Variants in NUP93 observed in about 807,000 individuals in gnomAD.
The protein encoded by NUP93 is nucleoporin 93, also known as nuclear pore complex protein Nup93.
A neutral mutation model predicts 107.8 loss-of-function variants in NUP93; 55 were observed. That is an observed-to-expected ratio of 0.51 (90% CI 0.41 to 0.64). The LOEUF (loss-of-function observed/expected upper bound fraction) is 0.64, where lower values mean the gene tolerates loss of function less well. NUP93 is among the 30% of genes least tolerant of loss of function. NUP93 has a pLI of 0.00. For missense variants in NUP93, 937 were observed against 1,044.7 expected (o/e 0.90, Z 1.42); for synonymous variants, 390 against 397.5 (o/e 0.98, Z 0.22).
intron 8 of NUP93, among the ~76,000 whole-genome samples, chr16:56,827,068 A>AAAAAAAAAT (rs1963681239): frequency 7.0e-6 from 1 of 143,552 alleles, no homozygotes; most frequent in Non-Finnish European, 1.5e-5. Context: ...AAAAAAAAAA[A>AAAAAAAAAT]ATTTTGTTGA....
chr16:56,840,371 C>A (rs570435527), intron 20 of NUP93, among the ~76,000 whole-genome samples: 4 of 152,274 alleles, frequency 2.6e-5, no homozygotes, highest in African/African-American at 9.6e-5. Context: ...TAAGCTATCA[C>A]CCCATAAGCC....
rs139462626 is a variant in NUP93 at position 56,771,388 on chromosome 16, T to C, written c.297+12733T>C. Among the ~76,000 whole-genome samples, 597 of 152,340 alleles carry C rather than the reference T, an allele frequency of 3.9e-3. 1 individual carries two copies. Among genetic ancestry groups the C allele is most frequent in the Non-Finnish European group, 7.4e-3 (504 of 68,032 alleles). Reference sequence around the variant, plus strand: ...AAATAATTCTTTATACCTTGTCGTGTAGTCTTACTTTTCTTATGCCTTGCT... The same window carrying C: ...AAATAATTCTTTATACCTTGTCGTGCAGTCTTACTTTTCTTATGCCTTGCT... On this transcript the variant is annotated intron_variant, in intron 3 of 21. Coordinates refer to ENST00000308159, the MANE Select transcript of NUP93 (RefSeq NM_014669.5).
At position 56,844,483 on chromosome 16, in the gene NUP93, T is replaced by G. The variant is rs1314880694; in HGVS notation, c.2350-16T>G. On this transcript the variant is annotated splice_polypyrimidine_tract_variant and intron_variant, in intron 21 of 21. Transcript: ENST00000308159. The stretch of plus-strand genomic sequence containing the variant: ...AAGTTAACCGATTTCCTTCCCTTCC[T>G]TCCCTTCTCTCTCAGCAACTCCGAA... 7.1e-7 allele frequency: 1 copy of G among 1,406,882 alleles called. No individual in the cohort carries two copies. 87.1% of individuals were successfully genotyped at this position (1,406,882 alleles called of 1,614,324 possible).
chr16:56,839,618 T>C lies in NUP93; in HGVS notation c.2220+14T>C. 1.3e-6 allele frequency: 2 copies of C among 1,598,976 alleles called. No individual in the cohort carries two copies. Among genetic ancestry groups the C allele is most frequent in the Non-Finnish European group, 1.7e-6 (2 of 1,166,458 alleles). ...TTCAGTGATGAAGTAAGTTCCTTCT[T>C]CCTGAGTTGTGGAATTCCTTTTTCC... On this transcript the variant is annotated intron_variant, in intron 20 of 21. Transcript: ENST00000308159.
intron 3 of NUP93, among the ~76,000 whole-genome samples, chr16:56,794,584 TAG>T (rs10596725): frequency 0.27 from 40,394 of 147,672 alleles, 5,391 homozygotes; most frequent in Admixed American, 0.29. Flanking sequence ...GTGTGTGTGA[TAG>T]AGAGAGAGAG....
rs559279588 is a variant in NUP93, at chr16:56,781,809, C to A, written c.298-16667C>A. ...GTACAGTCCGTTAACAATAAAATAC[C>A]CTTCTGTAACCTATAAACTGTTACT... On this transcript the variant is annotated intron_variant, in intron 3 of 21. Coordinates refer to ENST00000308159, the MANE Select transcript of NUP93 (RefSeq NM_014669.5). 2.1e-4 allele frequency: 204 copies of A among 984,346 alleles called. 3 individuals carry two copies. The South Asian group carries it at 8.9e-3, about 43-fold the overall frequency. 61.0% of individuals were successfully genotyped at this position (984,346 alleles called of 1,614,324 possible).
chr16:56,758,660 G>A lies in NUP93; in HGVS notation c.297+5G>A. ...GTGAAGGACACTGACATTCAGGTAA[G>A]GGCTGCCAAGTGCAGGTGGAACCCA... On this transcript the variant is annotated splice_donor_5th_base_variant and intron_variant, in intron 3 of 21. Transcript: ENST00000308159. 6.2e-7 allele frequency: 1 copy of A among 1,607,202 alleles called. No homozygotes were observed. Among genetic ancestry groups the A allele is most frequent in the East Asian group, 2.2e-5 (1 of 44,842 alleles).
intron 1 of NUP93, among the ~76,000 whole-genome samples, chr16:56,743,933 A>T (rs1188146544): frequency 6.6e-6 from 1 of 152,154 alleles, no homozygotes; most frequent in African/African-American, 2.4e-5. Context: ...ATACTTTGCG[A>T]TGCTCTCTGA....
intron 3 of NUP93, among the ~76,000 whole-genome samples, chr16:56,767,365 A>G (rs1962233849): frequency 6.6e-6 from 1 of 152,248 alleles, no homozygotes; most frequent in African/African-American, 2.4e-5. Flanking sequence ...CCCTTGTCTT[A>G]TAAGACATAT....
chr16:56,767,549 C>A (rs1309808395), intron 3 of NUP93, among the ~76,000 whole-genome samples: 2 of 152,108 alleles, frequency 1.3e-5, no homozygotes, highest in East Asian at 3.8e-4. Flanking sequence ...AGAGTTTCCT[C>A]CACTCCTCCC....
intron 3 of NUP93, chr16:56,782,242 A>G (rs1262132806): frequency 1.0e-6 from 1 of 979,970 alleles, no homozygotes; most frequent in Non-Finnish European, 1.2e-6. Context: ...TTGTAAAGAA[A>G]TTAAGACAAA....
At chr16:56,778,345 C>T (rs2144514584) in intron 3 of NUP93, among the ~76,000 whole-genome samples, 1 of 152,244 alleles carries the variant, frequency 6.6e-6, no homozygotes, top group South Asian at 2.1e-4. Flanking sequence ...GAAGGGCAGT[C>T]AGACATGGAA....
intron 8 of NUP93, among the ~76,000 whole-genome samples, 196 bp downstream of exon 8, chr16:56,824,042 G>A (rs571905324): frequency 1.6e-4 from 25 of 152,284 alleles, no homozygotes; most frequent in African/African-American, 6.0e-4. Flanking sequence ...TGTTTCTGCA[G>A]TGGTATAAAA....
intron 1 of NUP93, among the ~76,000 whole-genome samples, chr16:56,746,227 A>G (rs1223411828): frequency 6.6e-6 from 1 of 152,156 alleles, no homozygotes; most frequent in Non-Finnish European, 1.5e-5. Flanking sequence ...GTGAATGACC[A>G]TGGTTTCGTG....
At chr16:56,742,500 G>A (rs1392783055) in intron 1 of NUP93, among the ~76,000 whole-genome samples, 1 of 152,158 alleles carries the variant, frequency 6.6e-6, no homozygotes, top group Non-Finnish European at 1.5e-5. Context: ...GTACAGCCAC[G>A]CCTGTTGGTT....
intron 5 of NUP93, among the ~76,000 whole-genome samples, chr16:56,815,933 C>CACT (rs1191065923): frequency 7.7e-5 from 7 of 90,960 alleles, no homozygotes; most frequent in East Asian, 4.8e-4. Flanking sequence ...CTGCTGCTAC[C>CACT]ACTACTACTA....
intron 1 of NUP93, among the ~76,000 whole-genome samples, chr16:56,731,363 G>A (rs2144422800): frequency 6.6e-6 from 1 of 151,278 alleles, no homozygotes; most frequent in East Asian, 1.9e-4. Context: ...TAACTTTTGA[G>A]CCATCGTTGA....
chr16:56,731,401 CT>C (rs1244190547), intron 1 of NUP93, among the ~76,000 whole-genome samples: 168 of 144,500 alleles, frequency 1.2e-3, no homozygotes, highest in Middle Eastern at 7.0e-3. Flanking sequence ...CTTTTCTTTC[CT>C]TTTTTTTTTT....
Position 56,844,526 on chromosome 16 carries a change from A to G in NUP93, c.2377A>G (p.Ile793Val). The change falls in exon 22 of 22, where the codon ATT (isoleucine) becomes GTT (valine). Residue 793 changes from isoleucine (I) to valine (V), a missense_variant. Coordinates refer to ENST00000308159, the MANE Select transcript of NUP93 (RefSeq NM_014669.5). ...SQLRSQARTL[I>V]TFAGMIPYRT... ...ACTCCGAAGTCAAGCCCGCACTCTG[A>G]TTACCTTTGCTGGAATGATACCATA... 6.5e-7 allele frequency: 1 copy of G among 1,529,194 alleles called. No homozygotes were observed. The highest frequency in any genetic ancestry group is 2.5e-5 in the East Asian group (1 of 40,360). 94.7% of individuals were successfully genotyped at this position (1,529,194 alleles called of 1,614,324 possible). A position where few individuals can be genotyped will look rare whatever the true frequency, so the allele number is the denominator to read the frequency against.
Sources: gnomAD v4.1 joint callset for allele counts (sites outside exome capture counted in the v4.1 genomes callset) on GRCh38, gnomAD v4.1.1 for gene constraint, MANE v1.5 for transcripts, NCBI Gene and HGNC (gene_info 2026-07-23, HGNC 2026-07-21) for gene names.